Variants in MAPK10 observed in about 807,000 individuals in gnomAD.
MAPK10 encodes the protein mitogen-activated protein kinase 10.
Under a neutral mutation model 59.3 loss-of-function variants are expected in MAPK10, and 25 were observed. The ratio of observed to expected loss-of-function variants is 0.42; its 90% CI spans 0.31 to 0.59. The LOEUF (loss-of-function observed/expected upper bound fraction) is 0.59. Among genes scored for constraint, MAPK10 ranks in the 20% least tolerant of loss-of-function variants. The probability of loss-of-function intolerance (pLI) is 0.15; values close to 1 mark genes in which losing one functional copy is unlikely to be tolerated. For synonymous variants in MAPK10, 190 were observed against 200.5 expected, an observed-to-expected ratio of 0.95 and a Z score of 0.44; for missense variants, 351 against 568.9, an observed-to-expected ratio of 0.62 and a Z score of 3.90.
At chr4:86,280,116 CTAAT>C (rs1424644803) in intron 2 of MAPK10, among the ~76,000 whole-genome samples, 1 of 152,008 alleles carries the variant, frequency 6.6e-6, no homozygotes, top group East Asian at 1.9e-4. Flanking sequence ...CAAGTGGGAC[CTAAT>C]TAAAGATCTG....
At position 86,017,028 on chromosome 4, in the gene MAPK10, AC is replaced by A. The variant is rs1298915807; in HGVS notation, c.*199del. 1 of 516,752 alleles carries A rather than the reference AC, an allele frequency of 1.9e-6. No individual in the cohort carries two copies. Among genetic ancestry groups the A allele is most frequent in the Non-Finnish European group, 3.4e-6 (1 of 297,642 alleles). 32.0% of individuals were successfully genotyped at this position (516,752 alleles called of 1,614,324 possible). A position where few individuals can be genotyped will look rare whatever the true frequency, so the allele number is the denominator to read the frequency against. On this transcript the variant is annotated 3_prime_UTR_variant, in exon 14 of 14. Coordinates refer to ENST00000641462, the MANE Select transcript of MAPK10 (RefSeq NM_138982.4). The surrounding 1 kb of genome is among the most constrained non-coding windows in gnomAD (Gnocchi z 4.4). The stretch of plus-strand genomic sequence containing the variant: ...GCAAGAGCAACTAGAAGTTAAATAT[AC>A]ATTTGAGCTTAGCTGCAATACAGAA...
rs190088843 is a variant in MAPK10 at position 86,176,659 on chromosome 4, C to T, written c.67-17192G>A. ...AATAAATTTTTAGAAAAAAACTGCT[C>T]AGCATATAAAACAGAAGCATAGCAC... On this transcript the variant is annotated intron_variant, in intron 3 of 13. Coordinates refer to ENST00000641462, the MANE Select transcript of MAPK10 (RefSeq NM_138982.4). Among the ~76,000 whole-genome samples the T allele has an allele frequency of 8.2e-3, 1,239 of 151,154 alleles. 15 individuals are homozygous for T. The highest frequency in any genetic ancestry group is 0.028 in the African/African-American group (1,171 of 41,124).
At chr4:86,393,663 A>T (rs1742529440) in intron 1 of MAPK10, among the ~76,000 whole-genome samples, 2 of 152,200 alleles carry the variant, frequency 1.3e-5, no homozygotes. Flanking sequence ...TGCTAACCAG[A>T]GCATCCTTTA....
At chr4:86,074,059 T>G (rs2048658559) in intron 9 of MAPK10, among the ~76,000 whole-genome samples, 1 of 100,916 alleles carries the variant, frequency 9.9e-6, no homozygotes, top group Admixed American at 9.0e-5. Flanking sequence ...CAGGACTTGC[T>G]TTATGAATCT....
chr4:86,231,381 C>T (rs2091505043), intron 2 of MAPK10, among the ~76,000 whole-genome samples: 3 of 152,076 alleles, frequency 2.0e-5, no homozygotes, highest in South Asian at 4.2e-4. Context: ...AGGGGCTGGA[C>T]GCGGTGGCTC....
chr4:86,198,820 A>G (rs530707020), intron 2 of MAPK10, among the ~76,000 whole-genome samples: 144 of 151,890 alleles, frequency 9.5e-4, no homozygotes, highest in Non-Finnish European at 2.0e-3. Context: ...AAATACATAT[A>G]AACAGTGAAA....
chr4:86,570,709 A>C (rs746109724), intron 1 of MAPK10, among the ~76,000 whole-genome samples: 9 of 152,176 alleles, frequency 5.9e-5, no homozygotes, highest in Non-Finnish European at 1.2e-4. Flanking sequence ...GAAAATAATA[A>C]CTTGAAGTAA....
At chr4:86,240,190 T>G (rs1203186081) in intron 2 of MAPK10, among the ~76,000 whole-genome samples, 1 of 152,260 alleles carries the variant, frequency 6.6e-6, no homozygotes. Flanking sequence ...AGTTCTAATT[T>G]GATTGCACTG....
At chr4:86,387,866 T>G (rs1363853439) in intron 1 of MAPK10, among the ~76,000 whole-genome samples, 1 of 152,008 alleles carries the variant, frequency 6.6e-6, no homozygotes, top group African/African-American at 2.4e-5. Flanking sequence ...TGAAATACTA[T>G]TACTACTTGA....
Position 86,566,817 on chromosome 4 carries a change from C to T in MAPK10, c.-263+27093G>A, listed in dbSNP as rs187161331. 3.4e-3 allele frequency among the ~76,000 whole-genome samples: 514 copies of T among 152,210 alleles called. 1 individual carries two copies. Among genetic ancestry groups the T allele is most frequent in the African/African-American group, 0.012 (497 of 41,546 alleles). ...AGATGCAGTGGCTCTCACCTATAAT[C>T]CCAGCACTTTGGGAGGTCAAGGCTG... On this transcript the variant is annotated intron_variant, in intron 1 of 4. Transcript: ENST00000502302.
chr4:86,199,086 G>T (rs956351264), intron 2 of MAPK10, among the ~76,000 whole-genome samples: 13 of 151,980 alleles, frequency 8.6e-5, no homozygotes, highest in Admixed American at 5.3e-4. Context: ...ACTAATAGGT[G>T]TGGCAATTGG....
chr4:86,140,834 A>G (rs1262731468), intron 4 of MAPK10, among the ~76,000 whole-genome samples: 1 of 152,152 alleles, frequency 6.6e-6, no homozygotes, highest in Non-Finnish European at 1.5e-5. Context: ...GAGACTTAGT[A>G]ATTACTTCCC....
intron 11 of MAPK10, among the ~76,000 whole-genome samples, chr4:86,062,105 T>G (rs1252836621): frequency 1.3e-5 from 2 of 152,070 alleles, no homozygotes; most frequent in Non-Finnish European, 2.9e-5. Flanking sequence ...CTTCATAGAG[T>G]AATAAATTGT....
intron 1 of MAPK10, among the ~76,000 whole-genome samples, chr4:86,583,803 C>T (rs893957936): frequency 2.6e-5 from 4 of 152,284 alleles, no homozygotes; most frequent in African/African-American, 7.2e-5. Flanking sequence ...AATATGATCA[C>T]ATGCCCAAAG....
At chr4:86,545,227 G>C (rs546587624) in intron 1 of MAPK10, among the ~76,000 whole-genome samples, 1 of 152,356 alleles carries the variant, frequency 6.6e-6, no homozygotes, top group African/African-American at 2.4e-5. Flanking sequence ...ACATGAAAAT[G>C]TTCAAAGGTA....
At chr4:86,215,776 C>T (rs1365952670) in intron 2 of MAPK10, among the ~76,000 whole-genome samples, 1 of 152,198 alleles carries the variant, frequency 6.6e-6, no homozygotes, top group East Asian at 1.9e-4. Flanking sequence ...GCAGGAGAAT[C>T]GCTTGAACCC....
chr4:86,282,958 T>C (rs1322712737), intron 2 of MAPK10, among the ~76,000 whole-genome samples: 2 of 152,238 alleles, frequency 1.3e-5, no homozygotes, highest in East Asian at 3.8e-4. Flanking sequence ...TTGTATCTGC[T>C]TGGCTGTATA....
intron 2 of MAPK10, among the ~76,000 whole-genome samples, chr4:86,273,439 C>T (rs1402692514): frequency 6.6e-6 from 1 of 151,942 alleles, no homozygotes; most frequent in Non-Finnish European, 1.5e-5. Flanking sequence ...TATGAACTAG[C>T]TCATGGCCTC....
At chr4:86,300,976 T>C (rs376543597) in intron 2 of MAPK10, 2 of 150,974 alleles carry the variant, frequency 1.3e-5, no homozygotes, top group East Asian at 1.9e-4. Context: ...GCATAGGGTG[T>C]GATTCTGAAG....
Sources: allele counts gnomAD v4.1 joint callset (sites outside exome capture counted in the v4.1 genomes callset), GRCh38; gene constraint gnomAD v4.1.1; non-coding constraint Gnocchi (gnomAD v3.1); transcripts MANE v1.5; gene names NCBI Gene and HGNC (gene_info 2026-07-23, HGNC 2026-07-21).